EPB41: variants seen among roughly 807,000 people sequenced by gnomAD.
The protein encoded by EPB41 is protein 4.1.
A neutral mutation model predicts 108.0 loss-of-function variants in EPB41; 65 were observed. The observed-to-expected ratio is 0.60, with a 90% CI of 0.49 to 0.74. EPB41 has a LOEUF of 0.74. EPB41 is among the 30% of genes least tolerant of loss of function. EPB41 has a pLI of 0.00. For missense variants in EPB41, 875 were observed against 1,037.0 expected (o/e 0.84, Z 2.15); for synonymous variants, 336 against 358.9 (o/e 0.94, Z 0.72).
rs1341421904 is a variant in EPB41, at chr1:28,917,548, G to A, written c.-8+2780G>A. The stretch of plus-strand genomic sequence containing the variant: ...CCCGCCTCGGCCTTCCAAAGTGCTG[G>A]GATTACAGGCATGAGCCACCGTGCC... On this transcript the variant is annotated intron_variant, in intron 1 of 20. Coordinates refer to ENST00000343067, the MANE Select transcript of EPB41 (RefSeq NM_001376013.1). Among the ~76,000 whole-genome samples, 4 of 152,008 alleles carry A rather than the reference G, an allele frequency of 2.6e-5. No individual in the cohort carries two copies. In the East Asian group the frequency reaches 7.7e-4, roughly 29 times the overall value.
At chr1:28,895,288 T>C (rs992753724) in intron 1 of EPB41, among the ~76,000 whole-genome samples, 16 of 152,112 alleles carry the variant, frequency 1.1e-4, no homozygotes, top group Non-Finnish European at 1.5e-5. Context: ...GGCTATTTCT[T>C]ATGGGCTGGG....
chr1:28,995,416 G>A (rs1435482563), intron 3 of EPB41, among the ~76,000 whole-genome samples: 1 of 152,110 alleles, frequency 6.6e-6, no homozygotes, highest in Non-Finnish European at 1.5e-5. Context: ...ACAAAAATTA[G>A]CTGGGTGTGG....
intron 1 of EPB41, among the ~76,000 whole-genome samples, chr1:28,978,653 G>T (rs2095663107): frequency 6.6e-6 from 1 of 151,362 alleles, no homozygotes; most frequent in Admixed American, 6.6e-5. Flanking sequence ...TAAGTCTTGT[G>T]GATTAGGTGG....
At position 28,993,397 on chromosome 1, in the gene EPB41, G is replaced by A. The variant is rs751463925; in HGVS notation, c.536G>A (p.Cys179Tyr). 1 of 1,613,850 alleles carries A rather than the reference G, an allele frequency of 6.2e-7. No homozygotes were observed. The highest frequency in any genetic ancestry group is 1.1e-5 in the South Asian group (1 of 91,074). ...EIKEGEGLEECSKIEVKEESP... is the reference protein window; with the variant it reads ...EIKEGEGLEEYSKIEVKEESP... ...AAGGAAGGAGAAGGACTTGAAGAGT[G>A]CTCCAAAATAGAAGTAAAAGAAGAA... Residue 179 changes from cysteine to tyrosine, a missense_variant, in exon 3 of 21, where the codon TGC (cysteine) becomes TAC (tyrosine). Transcript: ENST00000343067.
At chr1:28,993,115 A>G (rs1405975036) in intron 2 of EPB41, among the ~76,000 whole-genome samples, 2 of 152,126 alleles carry the variant, frequency 1.3e-5, no homozygotes, top group Admixed American at 6.6e-5. Flanking sequence ...TCATTTATTG[A>G]TTTGATGGGA....
chr1:29,068,622 T>C (rs1284353633), intron 16 of EPB41: 1 of 621,306 alleles, frequency 1.6e-6, no homozygotes, highest in Non-Finnish European at 2.3e-6. Context: ...TTACTTTTTC[T>C]TTAACAATTG....
intron 1 of EPB41, among the ~76,000 whole-genome samples, chr1:28,959,996 C>CT (rs2095133865): frequency 1.4e-5 from 2 of 139,688 alleles, no homozygotes; most frequent in Admixed American, 7.1e-5. Context: ...CTTTTTTTTT[C>CT]TTTTCTTTTT....
In EPB41 at chr1:29,022,372, T is replaced by TTAA. The variant is rs1553246735; in HGVS notation, c.1124+3930_1124+3931insTAA. ...CTTTAAGAAACTGCCATTGATATAA[T>TTAA]AAAAAAAAAAAAAAAAAAAGAAACT... On this transcript the variant is annotated intron_variant, in intron 7 of 20. Coordinates refer to ENST00000343067, the MANE Select transcript of EPB41 (RefSeq NM_001376013.1). Among the ~76,000 whole-genome samples, 266 of 111,522 alleles carry TTAA rather than the reference T, an allele frequency of 2.4e-3. 2 individuals are homozygous for TTAA. The highest frequency in any genetic ancestry group is 7.7e-3 in the African/African-American group (240 of 31,146). 73.2% of individuals were successfully genotyped at this position (111,522 alleles called of 152,430 possible).
At chr1:28,981,016 G>T (rs2149435215) in intron 1 of EPB41, among the ~76,000 whole-genome samples, 1 of 152,180 alleles carries the variant, frequency 6.6e-6, no homozygotes, top group East Asian at 1.9e-4. Context: ...CAGGTGATCT[G>T]CCCATCTCAG....
At chr1:28,970,918 G>A (rs1383269499) in intron 1 of EPB41, among the ~76,000 whole-genome samples, 3 of 152,128 alleles carry the variant, frequency 2.0e-5, no homozygotes, top group Non-Finnish European at 4.4e-5. Flanking sequence ...TGCGATCTCG[G>A]CTCACTGCAG....
intron 4 of EPB41, among the ~76,000 whole-genome samples, chr1:28,999,175 C>T (rs911227331): frequency 5.3e-5 from 8 of 152,132 alleles, no homozygotes; most frequent in Non-Finnish European, 8.8e-5. Flanking sequence ...TCAAGACCAT[C>T]CTGGCTAACA....
chr1:29,038,065 A>G (rs1392320957), intron 10 of EPB41, among the ~76,000 whole-genome samples: 2 of 152,072 alleles, frequency 1.3e-5, no homozygotes, highest in Non-Finnish European at 2.9e-5. Context: ...TTTAAGAGAA[A>G]GAGAGAGAGA....
rs947992055 is a variant in EPB41 at position 28,999,243 on chromosome 1, G to A, written c.786+1924G>A. 1.6e-4 allele frequency among the ~76,000 whole-genome samples: 25 copies of A among 152,196 alleles called. 1 individual carries two copies. The highest frequency in any genetic ancestry group is 6.2e-4 in the South Asian group (3 of 4,830). On this transcript the variant is annotated intron_variant, in intron 4 of 20. Transcript: ENST00000343067. ...AAATTAGCCAGGCATGGTGGCGGGCGCCTGTAGTACCAGCTACTTGGGAGG... is the reference window on the plus strand; with the variant it reads ...AAATTAGCCAGGCATGGTGGCGGGCACCTGTAGTACCAGCTACTTGGGAGG...
Position 29,081,728 on chromosome 1 carries a change from G to A in EPB41, c.2185-16079G>A, listed in dbSNP as rs532076646. On this transcript the variant is annotated intron_variant, in intron 16 of 20. Coordinates refer to ENST00000343067, the MANE Select transcript of EPB41 (RefSeq NM_001376013.1). ...CACATGCCGGTAATCCCAGCTACTC[G>A]GGAGGCTCAGGCAGGAGAATTGCTT... Among the ~76,000 whole-genome samples, 6 of 151,884 alleles carry A rather than the reference G, an allele frequency of 4.0e-5. No homozygotes were observed. In the East Asian group the frequency reaches 5.8e-4, roughly 15 times the overall value.
chr1:28,917,390 C>T (rs2092760166), intron 1 of EPB41, among the ~76,000 whole-genome samples: 1 of 152,092 alleles, frequency 6.6e-6, no homozygotes, highest in Non-Finnish European at 1.5e-5. Context: ...AAGCAATTCT[C>T]CTGGCTCAGG....
At chr1:29,012,508 C>T (rs919846514) in intron 5 of EPB41, among the ~76,000 whole-genome samples, 3 of 152,088 alleles carry the variant, frequency 2.0e-5, no homozygotes, top group Non-Finnish European at 2.9e-5. Flanking sequence ...CGCTTTACAC[C>T]CTGATCAGAC....
At chr1:29,054,941 G>A (rs1645119675) in intron 12 of EPB41, among the ~76,000 whole-genome samples, 1 of 152,198 alleles carries the variant, frequency 6.6e-6, no homozygotes, top group Non-Finnish European at 1.5e-5. Flanking sequence ...GGGAGGTTAA[G>A]GCAGGAGAAT....
intron 1 of EPB41, among the ~76,000 whole-genome samples, chr1:28,932,050 G>T (rs2093777316): frequency 6.6e-6 from 1 of 152,164 alleles, no homozygotes; most frequent in Non-Finnish European, 1.5e-5. Flanking sequence ...CAATTGTTTG[G>T]TTATTATAAG....
intron 16 of EPB41, among the ~76,000 whole-genome samples, chr1:29,082,676 T>G (rs1657216061): frequency 6.6e-6 from 1 of 152,170 alleles, no homozygotes. Flanking sequence ...TAGTATAACC[T>G]TTAATATTTG....
Sources: gnomAD v4.1 joint callset for allele counts (sites outside exome capture counted in the v4.1 genomes callset) on GRCh38, gnomAD v4.1.1 for gene constraint, MANE v1.5 for transcripts, NCBI Gene and HGNC (gene_info 2026-07-23, HGNC 2026-07-21) for gene names.